Variants in FAR1 observed in about 807,000 individuals in gnomAD.
FAR1 encodes the protein male sterility domain-containing protein 2.
A neutral mutation model predicts 61.1 loss-of-function variants in FAR1; 22 were observed. That is an observed-to-expected ratio of 0.36 (90% CI 0.26 to 0.51). The LOEUF (loss-of-function observed/expected upper bound fraction) is 0.51. FAR1 is among the 20% of genes least tolerant of loss of function. FAR1 has a pLI of 0.95. For missense variants in FAR1, 359 were observed against 626.9 expected (o/e 0.57, Z 4.56); for synonymous variants, 206 against 209.7 (o/e 0.98, Z 0.15).
At chr11:13,686,941 C>T (rs1429080467) in intron 1 of FAR1, among the ~76,000 whole-genome samples, 1 of 152,124 alleles carries the variant, frequency 6.6e-6, no homozygotes, top group Non-Finnish European at 1.5e-5. Flanking sequence ...TCTTTTGGCC[C>T]ATGAGACCTG....
intron 3 of FAR1, among the ~76,000 whole-genome samples, chr11:13,704,285 T>G (rs113245516): frequency 6.6e-6 from 1 of 151,976 alleles, no homozygotes; most frequent in Admixed American, 6.6e-5. Context: ...ATGGTGTGGT[T>G]TGCGGAAAAT....
intron 1 of FAR1, among the ~76,000 whole-genome samples, chr11:13,685,150 C>T (rs566691958): frequency 3.3e-5 from 5 of 152,200 alleles, no homozygotes; most frequent in African/African-American, 9.6e-5. Context: ...TTAAATCCAC[C>T]TAGAAGATGG....
rs955448875 is a variant in FAR1, at chr11:13,679,763, T to G, written c.-8+10957T>G. On this transcript the variant is annotated intron_variant, in intron 1 of 11. Transcript: ENST00000354817. ...TTGATTTTTACATCACTCAGAGGAA[T>G]TCTGAATCTTATTTTTCTCAGTGTG... Among the ~76,000 whole-genome samples, 5 of 152,352 alleles carry G rather than the reference T, an allele frequency of 3.3e-5. No homozygotes were observed. In the East Asian group the frequency reaches 9.6e-4, roughly 29 times the overall value.
At position 13,713,831 on chromosome 11, in the gene FAR1, A is replaced by G. The variant is rs78779405; in HGVS notation, c.956-678A>G. Among the ~76,000 whole-genome samples the G allele has an allele frequency of 0.01, 1,559 of 152,214 alleles. 64 individuals are homozygous for G. The East Asian group carries it at 0.11, about 11-fold the overall frequency. On this transcript the variant is annotated intron_variant, in intron 8 of 11. Transcript: ENST00000354817. ...AAAAGATAAAATCTAAGGTGATTTTAACTTTATGATAATTATTTTCAGTAT... is the reference window on the plus strand; with the variant it reads ...AAAAGATAAAATCTAAGGTGATTTTGACTTTATGATAATTATTTTCAGTAT...
At chr11:13,713,255 C>T (rs1301086085) in intron 8 of FAR1, among the ~76,000 whole-genome samples, 1 of 151,158 alleles carries the variant, frequency 6.6e-6, no homozygotes, top group African/African-American at 2.4e-5. Context: ...CCCACCCACC[C>T]TACCCTTGTC....
intron 1 of FAR1, among the ~76,000 whole-genome samples, chr11:13,685,889 G>C (rs1488459096): frequency 6.6e-6 from 1 of 152,208 alleles, no homozygotes; most frequent in Non-Finnish European, 1.5e-5. Flanking sequence ...CTGAGGCCTT[G>C]TAGTGGAGAC....
chr11:13,699,258 A>G (rs1003807500), intron 2 of FAR1, among the ~76,000 whole-genome samples: 1 of 152,174 alleles, frequency 6.6e-6, no homozygotes, highest in African/African-American at 2.4e-5. Flanking sequence ...TTAATTGTAC[A>G]TTTACTTGGA....
chr11:13,704,083 A>G (rs950962194), intron 3 of FAR1, among the ~76,000 whole-genome samples: 3 of 151,422 alleles, frequency 2.0e-5, no homozygotes, highest in Admixed American at 6.6e-5. Flanking sequence ...AGAAGTGAAG[A>G]TAATAAATGG....
At chr11:13,716,533 C>T (rs1014084747) in intron 9 of FAR1, among the ~76,000 whole-genome samples, 39 of 152,216 alleles carry the variant, frequency 2.6e-4, no homozygotes, top group South Asian at 2.3e-3. Context: ...TACTCTTTGT[C>T]GTGTCATAAG....
chr11:13,689,873 C>CTTTTTT (rs71041539), intron 1 of FAR1, among the ~76,000 whole-genome samples: 9 of 118,484 alleles, frequency 7.6e-5, no homozygotes, highest in African/African-American at 9.5e-5. Context: ...TCATTTCGAT[C>CTTTTTT]TTTTTTTTTT....
At chr11:13,708,157 T>G (rs1591266427) in intron 4 of FAR1, 78 bp downstream of exon 4, 1 of 1,011,286 alleles carries the variant, frequency 9.9e-7, no homozygotes, top group Admixed American at 2.9e-5. Flanking sequence ...AGGTCAGGAG[T>G]TCAAGAGCAG....
rs1848490866 is a variant in FAR1, at chr11:13,710,884, A to G, written c.723+14A>G. On this transcript the variant is annotated intron_variant, in intron 5 of 11. Transcript: ENST00000354817. ...GAACCTTTTCCAGTAAGTTGTTAGA[A>G]ACCTTTATAAATAACTGGAGTTGAG... 3.7e-6 allele frequency: 6 copies of G among 1,602,262 alleles called. No homozygotes were observed. Among genetic ancestry groups the G allele is most frequent in the Non-Finnish European group, 5.1e-6 (6 of 1,176,098 alleles).
chr11:13,719,647 T>C (rs1848588816), intron 9 of FAR1, among the ~76,000 whole-genome samples: 1 of 152,220 alleles, frequency 6.6e-6, no homozygotes, highest in African/African-American at 2.4e-5. Context: ...CAGGTATCTA[T>C]TTTTAATCTG....
intron 1 of FAR1, among the ~76,000 whole-genome samples, chr11:13,691,594 A>G (rs1848251017): frequency 6.6e-6 from 1 of 152,196 alleles, no homozygotes; most frequent in South Asian, 2.1e-4. Context: ...TGTATCTGTT[A>G]TGGATATTTC....
Position 13,682,472 on chromosome 11 carries a change from A to G in FAR1, c.-7-12287A>G, listed in dbSNP as rs116214120. ...TTATCCATGGCTGCTTTTCTGGTAC[A>G]GTGGCAGAGCTGAGAAGTTGTTGCT... is the stretch of plus-strand genomic sequence containing the variant. On this transcript the variant is annotated intron_variant, in intron 1 of 11. Coordinates refer to ENST00000354817, the MANE Select transcript of FAR1 (RefSeq NM_032228.6). 3.0e-3 allele frequency among the ~76,000 whole-genome samples: 455 copies of G among 152,344 alleles called. 4 individuals are homozygous for G. Among genetic ancestry groups the G allele is most frequent in the African/African-American group, 9.6e-3 (399 of 41,578 alleles).
In FAR1 at chr11:13,709,633, T is replaced by G. The variant is rs577998611; in HGVS notation, c.546-1060T>G. 3.9e-5 allele frequency among the ~76,000 whole-genome samples: 6 copies of G among 152,200 alleles called. 1 individual carries two copies. The South Asian group carries it at 1.2e-3, about 32-fold the overall frequency. Reference sequence around the variant, plus strand: ...GTTTAGGCAGGTTTTTTTTTCCTCATGTATCAACTATCCCTTTCATTTTTC... The same window carrying G: ...GTTTAGGCAGGTTTTTTTTTCCTCAGGTATCAACTATCCCTTTCATTTTTC... On this transcript the variant is annotated intron_variant, in intron 4 of 11. Coordinates refer to ENST00000354817, the MANE Select transcript of FAR1 (RefSeq NM_032228.6).
chr11:13,711,675 A>G (rs1198432909), intron 5 of FAR1, 89 bp from the exon 6 acceptor site: 3 of 954,644 alleles, frequency 3.1e-6, no homozygotes, highest in Non-Finnish European at 4.9e-6. Flanking sequence ...GCTACCAAGT[A>G]TATATTTGGG....
In FAR1 at chr11:13,714,533, A is replaced by G. The variant is rs765207325; in HGVS notation, c.980A>G (p.Lys327Arg). 1 of 1,611,778 alleles carries G rather than the reference A, an allele frequency of 6.2e-7. No individual in the cohort carries two copies. Among genetic ancestry groups the G allele is most frequent in the Non-Finnish European group, 8.5e-7 (1 of 1,179,182 alleles). Residue 327 changes from lysine (K) to arginine (R), a missense_variant, in exon 9 of 12, where the codon AAG (lysine) becomes AGG (arginine). Coordinates refer to ENST00000354817, the MANE Select transcript of FAR1 (RefSeq NM_032228.6). ...EVEYHVISTF[K>R]RNPLEQAFRR... is the part of the protein sequence containing the mutation. ...GAGTACCATGTAATTTCCACTTTCA[A>G]GAGGAATCCTCTCGAACAGGCCTTC...
chr11:13,704,780 T>C (rs1341826603), intron 3 of FAR1, among the ~76,000 whole-genome samples: 3 of 152,160 alleles, frequency 2.0e-5, no homozygotes, highest in Middle Eastern at 3.2e-3. Context: ...CTAGACAGTA[T>C]TTTCTCAGGG....
Sources: gnomAD v4.1 joint callset for allele counts (sites outside exome capture counted in the v4.1 genomes callset) on GRCh38, gnomAD v4.1.1 for gene constraint, MANE v1.5 for transcripts, NCBI Gene and HGNC (gene_info 2026-07-23, HGNC 2026-07-21) for gene names.